The following MUC4 variants were observed in gnomAD, a reference collection of about 807,000 sequenced individuals.
MUC4 encodes mucin 4, cell surface associated.
Under a neutral mutation model 257.9 loss-of-function variants are expected in MUC4, and 202 were observed. The ratio of observed to expected loss-of-function variants is 0.78; its 90% CI spans 0.70 to 0.88. The LOEUF (loss-of-function observed/expected upper bound fraction) is 0.88, where lower values mean the gene tolerates loss of function less well. MUC4 is among the 40% of genes least tolerant of loss of function. MUC4 has a pLI of 0.00. For synonymous variants in MUC4, 2,351 were observed against 2,757.1 expected (o/e 0.85, Z 4.62); for missense variants, 5,976 against 6,513.7 (o/e 0.92, Z 2.84).
At chr3:195,807,033 G>A (rs1736071016) in intron 1 of MUC4, among the ~76,000 whole-genome samples, 1 of 152,172 alleles carries the variant, frequency 6.6e-6, no homozygotes, top group South Asian at 2.1e-4. Flanking sequence ...ACACATACAC[G>A]GGGAGTGGAG....
In MUC4 at chr3:195,784,467, G is replaced by A. The variant is rs201931644; in HGVS notation, c.7113C>T (p.Val2371=). Residue 2371 remains valine, a synonymous_variant, in exon 2 of 25, where the codon GTC becomes GTT. Coordinates refer to ENST00000463781, the MANE Select transcript of MUC4 (RefSeq NM_018406.7). Reference sequence around the variant, plus strand: ...CTGAGGATGCTGAGGAAGAGCTGGTGACAGGAAGAGGGGTGGTGTCACCTG... The same window carrying A: ...CTGAGGATGCTGAGGAAGAGCTGGTAACAGGAAGAGGGGTGGTGTCACCTG... ...VSTGDTTPLP[V]TSSSSASSGH... is the part of the protein sequence containing the mutation. The A allele has an allele frequency of 6.5e-3, 9,698 of 1,496,154 alleles. 836 individuals carry two copies. The highest frequency in any genetic ancestry group is 0.028 in the African/African-American group (1,797 of 65,244). 92.7% of individuals were successfully genotyped at this position (1,496,154 alleles called of 1,614,324 possible).
At chr3:195,747,469 T>C in intron 24 of MUC4, 89 bp from the exon 25 acceptor site, 2 of 1,430,626 alleles carry the variant, frequency 1.4e-6, no homozygotes, top group Non-Finnish European at 1.9e-6. Context: ...AGAGGTTCTG[T>C]AGGAGAGGCT....
chr3:195,789,189 G>T lies in MUC4; in HGVS notation c.2391C>A (p.Thr797=). The stretch of plus-strand genomic sequence containing the variant: ...AAGGGGTAGCTGTGCCCGCTGAGGT[G>T]GTTCGTGACCCTGAGGAGGCCGGTT... ...TSEPASSGSR[T]TSAGTATPSS... Residue 797 remains threonine (T), a synonymous_variant, in exon 2 of 25, where the codon ACC becomes ACA. Transcript: ENST00000463781. 2 of 1,613,844 alleles carry T rather than the reference G, an allele frequency of 1.2e-6. No homozygotes were observed. The highest frequency in any genetic ancestry group is 1.7e-6 in the Non-Finnish European group (2 of 1,179,852).
At chr3:195,750,784 A>G in intron 23 of MUC4, 105 bp downstream of exon 23, 1 of 1,136,416 alleles carries the variant, frequency 8.8e-7, no homozygotes. Context: ...CTCAAAACCA[A>G]ACAAACAGAA....
intron 4 of MUC4, 41 bp downstream of exon 4, chr3:195,774,131 C>T: frequency 6.4e-7 from 1 of 1,565,246 alleles, no homozygotes; most frequent in Non-Finnish European, 8.6e-7. Context: ...GAGAAGTGGG[C>T]CCTGGGAGTT....
At chr3:195,774,822 C>A (rs948563121) in intron 3 of MUC4, among the ~76,000 whole-genome samples, 2 of 151,426 alleles carry the variant, frequency 1.3e-5, no homozygotes, top group African/African-American at 4.9e-5. Flanking sequence ...ATTGCTTGAA[C>A]CCGGGAGGCT....
At chr3:195,747,972 A>AGCCTG (rs1715424800) in intron 24 of MUC4, among the ~76,000 whole-genome samples, 1 of 150,306 alleles carries the variant, frequency 6.7e-6, no homozygotes, top group Non-Finnish European at 1.5e-5. Context: ...CCCCCGCCCC[A>AGCCTG]GCCCGGCCCC....
chr3:195,749,659 T>A (rs1715961680), intron 23 of MUC4, among the ~76,000 whole-genome samples: 1 of 152,356 alleles, frequency 6.6e-6, no homozygotes, highest in Admixed American at 6.5e-5. Context: ...CATACCATCA[T>A]AATATGTCAA....
Position 195,781,248 on chromosome 3 carries a change from G to T in MUC4, c.10332C>A (p.Thr3444=), listed in dbSNP as rs200459786. The change falls in exon 2 of 25, where the codon ACC becomes ACA. Residue 3444 remains threonine (T), a synonymous_variant. Transcript: ENST00000463781. ...GACCTGTAGATGCTGAGGAAGTGCT[G>T]GTGACAGGAACAGGGGTGGCGTGAC... ...STGHATPVPV[T]STSSASTGHT... The T allele has an allele frequency of 3.4e-6, 5 of 1,491,322 alleles. No homozygotes were observed. The South Asian group carries it at 3.8e-5, about 11-fold the overall frequency. The allele number at this position is 1,491,322 out of a possible 1,614,324, so 92.4% of individuals were successfully genotyped here.
chr3:195,775,888 A>G (rs1338400645), intron 3 of MUC4, among the ~76,000 whole-genome samples: 3 of 84,410 alleles, frequency 3.6e-5, no homozygotes, highest in African/African-American at 1.7e-4. Context: ...TACCTTCCAC[A>G]CCCATACCTT....
rs1468180756 is a variant in MUC4, at chr3:195,781,657, C to G, written c.9923G>C (p.Gly3308Ala). The change falls in exon 2 of 25, where the codon GGT (glycine) becomes GCT (alanine). Residue 3308 changes from glycine (G) to alanine (A), a missense_variant. By Grantham distance (60) the Gly-to-Ala change is moderately conservative (BLOSUM62 0). Coordinates refer to ENST00000463781, the MANE Select transcript of MUC4 (RefSeq NM_018406.7). The part of the protein sequence containing the change: ...LVTETSSVST[G>A]HATPLLVTDA... ...GGTGACAAGAAGAGGAGTGGCGTGA[C>G]CTGTGGATACTGAGGAAGTCTCGGT... 1 of 416,310 alleles carries G rather than the reference C, an allele frequency of 2.4e-6. No individual in the cohort carries two copies. The highest frequency in any genetic ancestry group is 2.8e-5 in the African/African-American group (1 of 35,346). 25.8% of individuals were successfully genotyped at this position (416,310 alleles called of 1,614,324 possible).
rs759023254 is a variant in MUC4, at chr3:195,779,060, C to T, written c.12520G>A (p.Gly4174Ser). 128 of 1,005,440 alleles carry T rather than the reference C, an allele frequency of 1.3e-4. 6 individuals are homozygous for T. Among genetic ancestry groups the T allele is most frequent in the African/African-American group, 7.1e-4 (27 of 38,108 alleles). The allele number at this position is 1,005,440 out of a possible 1,614,324, so 62.3% of individuals were successfully genotyped here. A position where few individuals can be genotyped will look rare whatever the true frequency, so the allele number is the denominator to read the frequency against. Residue 4174 changes from glycine (G) to serine (S), a missense_variant, in exon 2 of 25, where the codon GGC becomes AGC. By Grantham distance (56) the Gly-to-Ser change is moderately conservative. Transcript: ENST00000463781. ...TDASSVSTGH[G>S]TPLPVTSTSS... ...GTGCTGGTGACAGGAAGAGGGGTGCCGTGACCTGTGGACACTGAGGAAGCG... is the reference window on the plus strand; with the variant it reads ...GTGCTGGTGACAGGAAGAGGGGTGCTGTGACCTGTGGACACTGAGGAAGCG...
intron 1 of MUC4, among the ~76,000 whole-genome samples, chr3:195,798,593 A>G (rs1213603797): frequency 2.1e-5 from 3 of 145,612 alleles, no homozygotes; most frequent in Non-Finnish European, 4.6e-5. Flanking sequence ...AGTCCCAGCT[A>G]CTCGGGAGGC....
At position 195,788,956 on chromosome 3, in the gene MUC4, G is replaced by T. The variant is rs773847368; in HGVS notation, c.2624C>A (p.Thr875Asn). Residue 875 changes from threonine (T) to asparagine (N), a missense_variant, in exon 2 of 25, where the codon ACC becomes AAC. By Grantham distance (65) the Thr-to-Asn change is moderately conservative. Around this residue, in one of 44 missense-constraint regions of MUC4, gnomAD observed 1,583 missense variants for 1,257.4 expected, o/e 1.26. Coordinates refer to ENST00000463781, the MANE Select transcript of MUC4 (RefSeq NM_018406.7). Reference sequence around the variant, plus strand: ...CCCTGCAGTGGAGGCCTCAGAGAGGGTGGGATGAAAGGTGCCGGGGACGAT... The same window carrying T: ...CCCTGCAGTGGAGGCCTCAGAGAGGTTGGGATGAAAGGTGCCGGGGACGAT... ...SSIVPGTFHPTLSEASTAGRP... is the reference protein window; with the variant it reads ...SSIVPGTFHPNLSEASTAGRP... The T allele has an allele frequency of 2.5e-6, 4 of 1,613,688 alleles. No individual in the cohort carries two copies. Among genetic ancestry groups the T allele is most frequent in the Non-Finnish European group, 2.5e-6 (3 of 1,179,768 alleles).
Position 195,759,152 on chromosome 3 carries a change from T to A in MUC4, c.14958A>T (p.Arg4986Ser). Reference protein sequence around the residue: ...SNAEDANFTLRDSCTDLELFE... With the variant: ...SNAEDANFTLSDSCTDLELFE... Reference sequence around the variant, plus strand: ...AGAGCTCCAAGTCGGTGCAGCTGTCTCTGAGCGTGAAGTTGGCATCCTCAG... The same window carrying A: ...AGAGCTCCAAGTCGGTGCAGCTGTCACTGAGCGTGAAGTTGGCATCCTCAG... The change falls in exon 17 of 25, where the codon AGA becomes AGT. Residue 4986 changes from arginine to serine, a missense_variant. By Grantham distance (110) the Arg-to-Ser change is moderately radical. This residue lies in a region of MUC4 where 996 missense variants were observed against 1,137.3 expected (regional missense o/e 0.88). Transcript: ENST00000463781. 1 of 1,614,008 alleles carries A rather than the reference T, an allele frequency of 6.2e-7. No homozygotes were observed. Among genetic ancestry groups the A allele is most frequent in the Non-Finnish European group, 8.5e-7 (1 of 1,179,984 alleles).
chr3:195,753,438 T>G, intron 19 of MUC4: 2 of 575,446 alleles, frequency 3.5e-6, no homozygotes, highest in Non-Finnish European at 6.0e-6. Flanking sequence ...CTTCCACTTT[T>G]GTGGAGGGAC....
chr3:195,800,072 G>A (rs562452445), intron 1 of MUC4, among the ~76,000 whole-genome samples: 4 of 152,238 alleles, frequency 2.6e-5, no homozygotes, highest in South Asian at 4.1e-4. Flanking sequence ...GAGGTCAGGA[G>A]TTCAAGACCA....
intron 21 of MUC4, 156 bp from the exon 22 acceptor site, chr3:195,751,427 C>G: frequency 6.1e-6 from 4 of 657,848 alleles, no homozygotes; most frequent in Non-Finnish European, 1.1e-5. Flanking sequence ...CCCTTGCACT[C>G]TAGCCTAGCT....
intron 7 of MUC4, among the ~76,000 whole-genome samples, chr3:195,768,134 C>T (rs1722029683): frequency 6.6e-6 from 1 of 152,144 alleles, no homozygotes; most frequent in African/African-American, 2.4e-5. Context: ...TGCGTGACAC[C>T]TTCCTTGGGT....
Sources: gnomAD v4.1 joint callset for allele counts (sites outside exome capture counted in the v4.1 genomes callset) on GRCh38, gnomAD v4.1.1 for gene constraint, gnomAD v4.1.1 regional missense constraint, MANE v1.5 for transcripts, NCBI Gene and HGNC (gene_info 2026-07-23, HGNC 2026-07-21) for gene names.